The following CTNNA2 variants were observed in gnomAD, a reference collection of about 807,000 sequenced individuals.
CTNNA2 encodes catenin alpha-2.
In CTNNA2, 42 loss-of-function variants were observed where a neutral mutation model predicts 101.0. The ratio of observed to expected loss-of-function variants is 0.42; its 90% CI spans 0.32 to 0.54. The LOEUF is 0.54. Ranked by LOEUF, CTNNA2 falls within the 20% of genes least tolerant of loss-of-function variation. The pLI is 0.14. For synonymous variants in CTNNA2, 450 were observed against 456.4 expected (o/e 0.99, Z 0.18); for missense variants, 871 against 1,223.1 (o/e 0.71, Z 4.29).
intron 3 of CTNNA2, among the ~76,000 whole-genome samples, chr2:79,800,216 T>C (rs1676049000): frequency 6.6e-6 from 1 of 152,124 alleles, no homozygotes; most frequent in African/African-American, 2.4e-5. Flanking sequence ...GATTTTACGG[T>C]AGTTTGGAAA....
chr2:80,361,514 C>T (rs1424229938), intron 7 of CTNNA2, among the ~76,000 whole-genome samples: 2 of 152,050 alleles, frequency 1.3e-5, no homozygotes, highest in African/African-American at 2.4e-5. Context: ...TCTTGAATGG[C>T]TTATTCTTAT....
chr2:80,570,708 T>C (rs1227350713), intron 12 of CTNNA2, among the ~76,000 whole-genome samples: 1 of 152,164 alleles, frequency 6.6e-6, no homozygotes, highest in Admixed American at 6.5e-5. Context: ...CTCTCCCCTA[T>C]CGTTTTTTTC....
intron 3 of CTNNA2, among the ~76,000 whole-genome samples, chr2:79,765,591 C>T (rs1425946703): frequency 6.6e-6 from 1 of 152,100 alleles, no homozygotes; most frequent in Non-Finnish European, 1.5e-5. Flanking sequence ...AAGATCTATC[C>T]CCACATCCCA....
chr2:79,888,947 C>T (rs1684095212), intron 6 of CTNNA2, among the ~76,000 whole-genome samples: 1 of 152,102 alleles, frequency 6.6e-6, no homozygotes, highest in Non-Finnish European at 1.5e-5. Flanking sequence ...ATCTAGTGAA[C>T]TCTTTATTAG....
chr2:80,414,202 A>G (rs1486437841), intron 8 of CTNNA2, among the ~76,000 whole-genome samples: 2 of 152,178 alleles, frequency 1.3e-5, no homozygotes, highest in African/African-American at 4.8e-5. Context: ...CTGTGTTGAA[A>G]AGGATTATAA....
At chr2:80,232,182 C>T (rs529658288) in intron 7 of CTNNA2, among the ~76,000 whole-genome samples, 1 of 152,156 alleles carries the variant, frequency 6.6e-6, no homozygotes, top group Non-Finnish European at 1.5e-5. Context: ...CATCGTAAGT[C>T]TCTCTAAAAC....
Position 79,628,320 on chromosome 2 carries a change from G to T in CTNNA2, c.-5-23232G>T, listed in dbSNP as rs138680891. On this transcript the variant is annotated intron_variant, in intron 1 of 18. Coordinates refer to ENST00000402739, the MANE Select transcript of CTNNA2 (RefSeq NM_001282597.3). ...TACGAAAAATTAGCCAGGTGTGGTG[G>T]CGGGCACCTGTAATCCTAGCTGCTC... Among the ~76,000 whole-genome samples, 277 of 152,080 alleles carry T rather than the reference G, an allele frequency of 1.8e-3. 6 individuals are homozygous for T. In the East Asian group the frequency reaches 0.038, roughly 21 times the overall value.
intron 7 of CTNNA2, among the ~76,000 whole-genome samples, chr2:80,095,518 C>A (rs1418306102): frequency 3.2e-4 from 49 of 152,132 alleles, no homozygotes; most frequent in African/African-American, 1.0e-3. Context: ...CTGGCCTCAT[C>A]AAATGAGTTA....
intron 4 of CTNNA2, among the ~76,000 whole-genome samples, chr2:79,413,934 CATATATATATATATATATATATATATAT>C (rs70940033): frequency 7.1e-6 from 1 of 140,262 alleles, no homozygotes. Context: ...GAGCTGAATT[CATATATATATATATATATATATATATAT>C]ATATATATAT....
intron 3 of CTNNA2, 129 bp from the exon 4 acceptor site, chr2:79,857,884 G>T (rs1228932266): frequency 3.2e-6 from 3 of 935,778 alleles, no homozygotes; most frequent in Non-Finnish European, 5.0e-6. Context: ...TGCAATAGAG[G>T]TGGCAGAAAT....
intron 3 of CTNNA2, among the ~76,000 whole-genome samples, chr2:79,349,650 T>C (rs1677339835): frequency 1.3e-5 from 2 of 152,128 alleles, no homozygotes; most frequent in African/African-American, 4.8e-5. Context: ...AACAATAGCT[T>C]GGAAGTCAGA....
chr2:79,228,533 T>A (rs1268614664), intron 2 of CTNNA2, among the ~76,000 whole-genome samples: 1 of 152,260 alleles, frequency 6.6e-6, no homozygotes, highest in East Asian at 1.9e-4. Context: ...ATATGTTTCT[T>A]GGCCACTTGT....
chr2:79,419,772 G>T (rs571324495), intron 4 of CTNNA2, among the ~76,000 whole-genome samples: 2 of 151,968 alleles, frequency 1.3e-5, no homozygotes, highest in Non-Finnish European at 2.9e-5. Flanking sequence ...GTCAAAAACA[G>T]GTATATTCTC....
chr2:79,866,444 G>A (rs1682105762), intron 4 of CTNNA2: 1 of 152,202 alleles, frequency 6.6e-6, no homozygotes, highest in South Asian at 2.1e-4. Context: ...TAATGGGAAA[G>A]GGTATGACAG....
chr2:79,518,698 A>G (rs1671935404), intron 1 of CTNNA2, among the ~76,000 whole-genome samples: 1 of 152,170 alleles, frequency 6.6e-6, no homozygotes, highest in Non-Finnish European at 1.5e-5. Flanking sequence ...GGCCTGAAGC[A>G]GTTGTTAAAT....
chr2:80,050,233 C>G (rs1696791150), intron 7 of CTNNA2, among the ~76,000 whole-genome samples: 1 of 152,178 alleles, frequency 6.6e-6, no homozygotes, highest in Non-Finnish European at 1.5e-5. Flanking sequence ...CTCTCTACCA[C>G]CCTCCTAAAC....
At chr2:80,472,132 G>A (rs905402666) in intron 9 of CTNNA2, among the ~76,000 whole-genome samples, 2 of 141,548 alleles carry the variant, frequency 1.4e-5, no homozygotes, top group African/African-American at 2.7e-5. Context: ...AAAAAAAAAA[G>A]GTTAGAAAAT....
chr2:79,561,282 A>G (rs914992009), intron 1 of CTNNA2, among the ~76,000 whole-genome samples: 1 of 151,938 alleles, frequency 6.6e-6, no homozygotes, highest in East Asian at 1.9e-4. Flanking sequence ...GCTGAATAAT[A>G]TGCTATTTTA....
chr2:79,734,006 A>T (rs1203853316), intron 2 of CTNNA2, among the ~76,000 whole-genome samples: 4 of 152,164 alleles, frequency 2.6e-5, no homozygotes, highest in Non-Finnish European at 2.9e-5. Flanking sequence ...TTCTTGGAAC[A>T]GTCTAGCTTT....
Sources: gnomAD v4.1 joint callset for allele counts (sites outside exome capture counted in the v4.1 genomes callset) on GRCh38, gnomAD v4.1.1 for gene constraint, MANE v1.5 for transcripts, NCBI Gene and HGNC (gene_info 2026-07-23, HGNC 2026-07-21) for gene names.